The following BRINP3 variants were observed in gnomAD, a reference collection of about 807,000 sequenced individuals.
BRINP3 encodes the protein BMP/retinoic acid inducible neural specific 3.
BRINP3 carries 19 observed loss-of-function variants against 71.0 expected under a neutral mutation model. That is an observed-to-expected ratio of 0.27 (90% confidence interval 0.19 to 0.39). The LOEUF (loss-of-function observed/expected upper bound fraction) is 0.39. BRINP3 is among the 10% of genes least tolerant of loss of function. BRINP3 has a pLI of 1.00. For missense variants in BRINP3, 959 were observed against 940.8 expected (o/e 1.02, Z -0.25); for synonymous variants, 380 against 337.7 (o/e 1.13, Z -1.37).
chr1:190,311,853 T>C (rs925769865), intron 2 of BRINP3, among the ~76,000 whole-genome samples: 1 of 150,302 alleles, frequency 6.7e-6, no homozygotes, highest in South Asian at 2.1e-4. Context: ...GAAAAAGAGT[T>C]TATAAAGTTT....
intron 2 of BRINP3, among the ~76,000 whole-genome samples, chr1:190,342,204 G>C (rs188115033): frequency 6.6e-6 from 1 of 151,550 alleles, no homozygotes; most frequent in African/African-American, 2.4e-5. Flanking sequence ...GGATAATCCA[G>C]AATAGTCTCC....
rs774849722 is a variant in BRINP3 at position 190,454,604 on chromosome 1, C to A, written c.236+51G>T. On this transcript the variant is annotated intron_variant, in intron 2 of 7. Coordinates refer to ENST00000367462, the MANE Select transcript of BRINP3 (RefSeq NM_199051.3). ...TTTCCCTTAGAGAAACTTATGTATA[C>A]ACAACCTTCAAGGATGATATTTCTG... is the stretch of plus-strand genomic sequence containing the variant. The A allele has an allele frequency of 2.1e-5, 31 of 1,494,546 alleles. No individual in the cohort carries two copies. The South Asian group carries it at 2.6e-4, about 13-fold the overall frequency. The allele number at this position is 1,494,546 out of a possible 1,614,324, so 92.6% of individuals were successfully genotyped here. A position where few individuals can be genotyped will look rare whatever the true frequency, so the allele number is the denominator to read the frequency against.
At chr1:190,150,413 T>C (rs1656287516) in intron 7 of BRINP3, among the ~76,000 whole-genome samples, 2 of 152,122 alleles carry the variant, frequency 1.3e-5, no homozygotes, top group Admixed American at 1.3e-4. Flanking sequence ...AGATTAGAGA[T>C]TGCGTACTGC....
intron 2 of BRINP3, among the ~76,000 whole-genome samples, chr1:190,429,314 A>G (rs915784008): frequency 2.0e-5 from 3 of 152,156 alleles, no homozygotes; most frequent in Non-Finnish European, 4.4e-5. Flanking sequence ...CACTAGAAAA[A>G]TGTTTTTAAT....
intron 7 of BRINP3, among the ~76,000 whole-genome samples, chr1:190,130,063 C>T (rs1449526673): frequency 1.3e-5 from 2 of 151,928 alleles, no homozygotes; most frequent in African/African-American, 4.8e-5. Flanking sequence ...ATTCTAGCAT[C>T]GTGTCCAGAT....
At chr1:190,301,232 T>TACAC (rs1558160817) in intron 2 of BRINP3, among the ~76,000 whole-genome samples, 2 of 134,016 alleles carry the variant, frequency 1.5e-5, no homozygotes, top group African/African-American at 6.0e-5. Flanking sequence ...TATATATATA[T>TACAC]ATACACACAT....
At chr1:190,138,041 G>C (rs577850805) in intron 7 of BRINP3, among the ~76,000 whole-genome samples, 2 of 151,798 alleles carry the variant, frequency 1.3e-5, no homozygotes, top group South Asian at 2.1e-4. Context: ...CGCAACCTCT[G>C]CCTCCCAGGT....
chr1:190,218,067 C>G (rs1656561005), intron 6 of BRINP3, among the ~76,000 whole-genome samples: 2 of 151,660 alleles, frequency 1.3e-5, no homozygotes, highest in South Asian at 4.2e-4. Context: ...TACACGAATA[C>G]AGAAAAATAT....
At chr1:190,200,698 G>T (rs927886912) in intron 6 of BRINP3, among the ~76,000 whole-genome samples, 4 of 152,092 alleles carry the variant, frequency 2.6e-5, no homozygotes, top group Non-Finnish European at 5.9e-5. Context: ...CCCGGTAGGA[G>T]ATGATTGAAT....
intron 7 of BRINP3, among the ~76,000 whole-genome samples, chr1:190,100,076 A>C (rs575499060): frequency 1.3e-5 from 2 of 152,286 alleles, no homozygotes; most frequent in Non-Finnish European, 2.9e-5. Flanking sequence ...TCTATAACAC[A>C]CAGTTCTCTC....
intron 3 of BRINP3, among the ~76,000 whole-genome samples, chr1:190,280,648 T>C (rs1175961249): frequency 6.6e-6 from 1 of 151,854 alleles, no homozygotes; most frequent in Non-Finnish European, 1.5e-5. Context: ...TGTGACACCA[T>C]ACCATTGCTG....
chr1:190,234,252 A>G (rs1658300348), intron 5 of BRINP3, 120 bp downstream of exon 5: 1 of 513,874 alleles, frequency 1.9e-6, no homozygotes, highest in African/African-American at 1.9e-5. Flanking sequence ...ATTAGCCTTT[A>G]ATGAGAGTTT....
chr1:190,191,317 G>C (rs1260680178), intron 6 of BRINP3, among the ~76,000 whole-genome samples: 1 of 151,910 alleles, frequency 6.6e-6, no homozygotes, highest in Non-Finnish European at 1.5e-5. Context: ...ATGGATACAT[G>C]TGTATAACGT....
chr1:190,265,539 A>AATATATATATATATATATATATAT (rs36099005), intron 3 of BRINP3, among the ~76,000 whole-genome samples: 72 of 139,224 alleles, frequency 5.2e-4, no homozygotes, highest in African/African-American at 1.8e-3. Flanking sequence ...GTCTCTACTA[A>AATATATATATATATATATATATAT]ATATATATAT....
At chr1:190,226,659 A>G (rs1657410596) in intron 5 of BRINP3, among the ~76,000 whole-genome samples, 1 of 151,930 alleles carries the variant, frequency 6.6e-6, no homozygotes, top group Non-Finnish European at 1.5e-5. Context: ...AAATACACAT[A>G]TGCATTTATT....
intron 1 of BRINP3, among the ~76,000 whole-genome samples, chr1:190,467,101 A>G (rs1181763601): frequency 1.3e-5 from 2 of 151,610 alleles, no homozygotes; most frequent in Admixed American, 6.6e-5. Flanking sequence ...TGCATTATTC[A>G]TTGACTTTTC....
chr1:190,159,043 T>C (rs1657117559), intron 7 of BRINP3, among the ~76,000 whole-genome samples: 1 of 152,092 alleles, frequency 6.6e-6, no homozygotes, highest in African/African-American at 2.4e-5. Flanking sequence ...TATTGAAATC[T>C]GTGAAGGATT....
At position 190,277,627 on chromosome 1, in the gene BRINP3, T is replaced by A. The variant is rs1662698730; in HGVS notation, c.427+3933A>T. Among the ~76,000 whole-genome samples the A allele has an allele frequency of 5.9e-5, 9 of 151,878 alleles. No homozygotes were observed. The South Asian group carries it at 1.9e-3, about 31-fold the overall frequency. ...TAATTAAAGCCCACCAATTTTAAAG[T>A]CATTATTTTTTGTCATATTCACTTA... On this transcript the variant is annotated intron_variant, in intron 3 of 7. Coordinates refer to ENST00000367462, the MANE Select transcript of BRINP3 (RefSeq NM_199051.3).
chr1:190,257,931 T>C (rs775502343), intron 4 of BRINP3, among the ~76,000 whole-genome samples: 2 of 152,148 alleles, frequency 1.3e-5, no homozygotes, highest in Non-Finnish European at 2.9e-5. Flanking sequence ...TTAGGCTACA[T>C]GGGGGGTCAG....
Sources: allele counts gnomAD v4.1 joint callset (sites outside exome capture counted in the v4.1 genomes callset), GRCh38; gene constraint gnomAD v4.1.1; transcripts MANE v1.5; gene names NCBI Gene and HGNC (gene_info 2026-07-23, HGNC 2026-07-21).